IMPA2: variants seen among roughly 807,000 people sequenced by gnomAD.
The protein encoded by IMPA2 is inositol monophosphatase 2.
In IMPA2, 32 loss-of-function variants were observed where a neutral mutation model predicts 35.1. The observed-to-expected ratio is 0.91, with a 90% CI of 0.69 to 1.23. IMPA2 has a LOEUF of 1.23. Ranked by LOEUF, IMPA2 falls within the 50% of genes most tolerant of loss-of-function variation. IMPA2 has a pLI of 0.00. For synonymous variants in IMPA2, 135 were observed against 160.6 expected (o/e 0.84, Z 1.20); for missense variants, 334 against 387.6 (o/e 0.86, Z 1.16).
intron 1 of IMPA2, among the ~76,000 whole-genome samples, chr18:11,985,919 G>T (rs1906652509): frequency 6.6e-6 from 1 of 152,218 alleles, no homozygotes; most frequent in African/African-American, 2.4e-5. Context: ...AGTTTAAGTG[G>T]AAAGGCACAA....
intron 1 of IMPA2, among the ~76,000 whole-genome samples, chr18:11,982,793 C>CAAAA (rs11354219): frequency 6.3e-5 from 7 of 111,732 alleles, no homozygotes; most frequent in Non-Finnish European, 1.5e-4. Flanking sequence ...AACTCCGTCT[C>CAAAA]AAAAAAAAAA....
chr18:12,027,969 C>T (rs1460491997), intron 5 of IMPA2, 74 bp from the exon 6 acceptor site: 14 of 895,766 alleles, frequency 1.6e-5, no homozygotes, highest in South Asian at 8.5e-5. Flanking sequence ...GAAAGGCTCA[C>T]GTTGGAAGCC....
At chr18:12,021,273 G>T (rs1907721725) in intron 5 of IMPA2, among the ~76,000 whole-genome samples, 1 of 152,052 alleles carries the variant, frequency 6.6e-6, no homozygotes, top group Non-Finnish European at 1.5e-5. Flanking sequence ...CATGCCTGTA[G>T]TTCCAGCTAC....
chr18:11,985,559 T>A (rs1906641877), intron 1 of IMPA2, among the ~76,000 whole-genome samples: 1 of 152,242 alleles, frequency 6.6e-6, no homozygotes, highest in African/African-American at 2.4e-5. Flanking sequence ...TGAATTTTTT[T>A]ATACATTAGT....
At chr18:12,000,831 G>A (rs2143792361) in intron 2 of IMPA2, among the ~76,000 whole-genome samples, 1 of 150,902 alleles carries the variant, frequency 6.6e-6, no homozygotes, top group Non-Finnish European at 1.5e-5. Flanking sequence ...TAGTCAGGAT[G>A]GTCTCGATCT....
rs1297301734 is a variant in IMPA2, at chr18:12,023,126, C to T, written c.491-4917C>T. ...CTGTTCTTGATTTCATGTGGGAAAA[C>T]GTATGTTGGCAAGAATGAGAAGGAA... On this transcript the variant is annotated intron_variant, in intron 5 of 7. Transcript: ENST00000269159. Among the ~76,000 whole-genome samples the T allele has an allele frequency of 2.0e-5, 3 of 151,914 alleles. No homozygotes were observed. The South Asian group carries it at 6.3e-4, about 32-fold the overall frequency.
At chr18:12,012,390 C>G in intron 4 of IMPA2, 175 bp downstream of exon 4, 3 of 643,236 alleles carry the variant, frequency 4.7e-6, no homozygotes, top group Non-Finnish European at 8.3e-6. Flanking sequence ...TCCAGACTGG[C>G]TTTGGGGTGT....
At chr18:12,016,740 G>T (rs962779714) in intron 5 of IMPA2, among the ~76,000 whole-genome samples, 2 of 152,118 alleles carry the variant, frequency 1.3e-5, no homozygotes, top group African/African-American at 4.8e-5. Flanking sequence ...TTTCTAAGGT[G>T]ACTAGAACTC....
intron 4 of IMPA2, 88 bp downstream of exon 4, chr18:12,012,303 T>G (rs937560277): frequency 9.1e-7 from 1 of 1,104,100 alleles, no homozygotes; most frequent in Non-Finnish European, 1.4e-6. Context: ...GTGCGCCTGG[T>G]TTGCTGTTTG....
intron 1 of IMPA2, among the ~76,000 whole-genome samples, chr18:11,985,526 G>A (rs775764862): frequency 1.2e-4 from 18 of 152,172 alleles, no homozygotes; most frequent in Non-Finnish European, 2.2e-4. Context: ...TTTTTAGGAT[G>A]TCATCAAATT....
chr18:12,008,297 G>C (rs201800483), intron 2 of IMPA2: 180 of 515,596 alleles, frequency 3.5e-4, no homozygotes, highest in Non-Finnish European at 5.2e-4. Context: ...CGCCTTGCTT[G>C]TTTTTCACTT....
At chr18:12,003,737 G>C (rs1020083559) in intron 2 of IMPA2, among the ~76,000 whole-genome samples, 1 of 151,102 alleles carries the variant, frequency 6.6e-6, no homozygotes, top group Admixed American at 6.6e-5. Context: ...GGAGTGTGCT[G>C]TTGGCCTTGG....
At chr18:12,013,689 TC>T (rs1568035116) in intron 4 of IMPA2, among the ~76,000 whole-genome samples, 1 of 152,182 alleles carries the variant, frequency 6.6e-6, no homozygotes, top group Non-Finnish European at 1.5e-5. Context: ...TGCTGCTTCA[TC>T]CTGGGAGGCT....
intron 2 of IMPA2, among the ~76,000 whole-genome samples, chr18:12,005,488 GAAA>G (rs5823191): frequency 2.8e-5 from 4 of 140,594 alleles, no homozygotes; most frequent in African/African-American, 1.0e-4. Flanking sequence ...ATGTCTCCAA[GAAA>G]AAAAAAAAAA....
At chr18:12,006,711 C>G (rs1262051433) in intron 2 of IMPA2, among the ~76,000 whole-genome samples, 2 of 152,150 alleles carry the variant, frequency 1.3e-5, no homozygotes, top group Non-Finnish European at 2.9e-5. Flanking sequence ...AATTTATCAG[C>G]AAAATGGAGG....
Position 12,024,833 on chromosome 18 carries a change from TAC to T in IMPA2, c.491-3207_491-3206del, listed in dbSNP as rs533557870. On this transcript the variant is annotated intron_variant, in intron 5 of 7. Transcript: ENST00000269159. ...AAGGTGCAGAGAGACAGAGTTCCTA[TAC>T]ACCTCCTGTCCCCACACACGTACAG... Among the ~76,000 whole-genome samples, 4 of 152,156 alleles carry T rather than the reference TAC, an allele frequency of 2.6e-5. No individual in the cohort carries two copies. In the East Asian group the frequency reaches 7.7e-4, roughly 29 times the overall value.
chr18:12,029,577 A>T (rs1434375175), intron 7 of IMPA2, among the ~76,000 whole-genome samples: 1 of 151,872 alleles, frequency 6.6e-6, no homozygotes, highest in African/African-American at 2.4e-5. Flanking sequence ...ACTCACCACC[A>T]TGCCCAGCTA....
chr18:11,989,267 T>C (rs111439229), intron 1 of IMPA2, among the ~76,000 whole-genome samples: 2,365 of 152,274 alleles, frequency 0.016, 31 homozygotes, highest in African/African-American at 0.028. Flanking sequence ...AAGGCTTCCC[T>C]GCTCTTCCTG....
chr18:11,984,060 T>C (rs532543728), intron 1 of IMPA2, among the ~76,000 whole-genome samples: 4 of 152,240 alleles, frequency 2.6e-5, no homozygotes, highest in Admixed American at 2.6e-4. Context: ...ATGGAGTCTG[T>C]GTTCTAGATG....
Sources: gnomAD v4.1 joint callset for allele counts (sites outside exome capture counted in the v4.1 genomes callset) on GRCh38, gnomAD v4.1.1 for gene constraint, MANE v1.5 for transcripts, NCBI Gene and HGNC (gene_info 2026-07-23, HGNC 2026-07-21) for gene names.